HTR3A: variants seen among roughly 807,000 people sequenced by gnomAD.
The protein encoded by HTR3A is 5-hydroxytryptamine receptor 3A, also known as 5-hydroxytryptamine (serotonin) receptor 3A, ionotropic.
HTR3A carries 45 observed loss-of-function variants against 54.8 expected under a neutral mutation model. That is an observed-to-expected ratio of 0.82 (90% confidence interval 0.65 to 1.05). HTR3A has a LOEUF of 1.05. Ranked by LOEUF, HTR3A falls within the 50% of genes least tolerant of loss-of-function variation. The probability of loss-of-function intolerance (pLI) is 0.00; values close to 1 mark genes in which losing one functional copy is unlikely to be tolerated. For missense variants in HTR3A, 657 were observed against 614.0 expected (o/e 1.07, Z -0.74); for synonymous variants, 297 against 256.0 (o/e 1.16, Z -1.53).
chr11:113,986,481 T>G, intron 6 of HTR3A, 37 bp from the exon 7 acceptor site: 1 of 1,606,776 alleles, frequency 6.2e-7, no homozygotes, highest in Non-Finnish European at 8.5e-7. Context: ...AGAGCCTGTT[T>G]GCCCCAGGCT....
At position 113,989,551 on chromosome 11, in the gene HTR3A, C is replaced by T. The variant is rs746743815; in HGVS notation, c.1225C>T (p.Arg409Trp). The T allele has an allele frequency of 6.2e-6, 10 of 1,614,072 alleles. No homozygotes were observed. Among genetic ancestry groups the T allele is most frequent in the African/African-American group, 5.3e-5 (4 of 74,936 alleles). ...RDRCSPPPPP[R>W]EASLAVCGLL... ...CAGATGTAGCCCTCCCCCACCACCT[C>T]GGGAGGCCTCGCTGGCGGTGTGTGG... The change falls in exon 9 of 9, where the codon CGG becomes TGG. Residue 409 changes from arginine to tryptophan, a missense_variant. Transcript: ENST00000504030. This position sits in a 1 kb window ranked among gnomAD's most constrained non-coding sequence, Gnocchi z 4.4.
chr11:113,975,251 G>A lies in HTR3A; in HGVS notation c.-75G>A, dbSNP rs752349026. The A allele has an allele frequency of 1.4e-6, 2 of 1,454,044 alleles. No homozygotes were observed. The highest frequency in any genetic ancestry group is 1.9e-6 in the Non-Finnish European group (2 of 1,046,068). The allele number at this position is 1,454,044 out of a possible 1,614,324, so 90.1% of individuals were successfully genotyped here. ...GGCTGGCTGGGACATGAGGTTGGCAGAGGGCAGGCAAGCTGGCCCTTGGTG... is the reference window on the plus strand; with the variant it reads ...GGCTGGCTGGGACATGAGGTTGGCAAAGGGCAGGCAAGCTGGCCCTTGGTG... On this transcript the variant is annotated 5_prime_UTR_variant, in exon 1 of 9. Transcript: ENST00000504030.
Position 113,984,428 on chromosome 11 carries a change from C to A in HTR3A, c.544+1139C>A, listed in dbSNP as rs575347224. ...CCCAGGAGTTTGAGGCCAGTCTGAG[C>A]AACATAATGAGACCCTATAAAAATA... On this transcript the variant is annotated intron_variant, in intron 5 of 8. Coordinates refer to ENST00000504030, the MANE Select transcript of HTR3A (RefSeq NM_000869.6). Among the ~76,000 whole-genome samples the A allele has an allele frequency of 2.6e-5, 4 of 152,056 alleles. No individual in the cohort carries two copies. The South Asian group carries it at 8.3e-4, about 32-fold the overall frequency.
intron 2 of HTR3A, among the ~76,000 whole-genome samples, chr11:113,978,393 A>G (rs548472605): frequency 2.6e-5 from 4 of 152,292 alleles, no homozygotes; most frequent in Admixed American, 2.6e-4. Flanking sequence ...GTGGTCAGAC[A>G]TTGTGCAGAG....
intron 1 of HTR3A, among the ~76,000 whole-genome samples, chr11:113,976,838 C>T (rs1227734515): frequency 6.6e-5 from 10 of 151,184 alleles, no homozygotes; most frequent in African/African-American, 2.4e-4. Flanking sequence ...CGTATGCTGG[C>T]CCTCTAGGTT....
chr11:113,985,767 T>C (rs1365400052), intron 5 of HTR3A, among the ~76,000 whole-genome samples: 2 of 152,114 alleles, frequency 1.3e-5, no homozygotes, highest in South Asian at 4.1e-4. Context: ...ATGGTTTGCA[T>C]GGTTCTTTGC....
intron 4 of HTR3A, among the ~76,000 whole-genome samples, chr11:113,982,715 A>G (rs1950436166): frequency 6.6e-6 from 1 of 152,210 alleles, no homozygotes; most frequent in African/African-American, 2.4e-5. Flanking sequence ...ATGGAACACA[A>G]GATCCTGCTC....
Position 113,986,293 on chromosome 11 carries a change from T to G in HTR3A, c.705+118T>G. On this transcript the variant is annotated intron_variant, in intron 6 of 8. Coordinates refer to ENST00000504030, the MANE Select transcript of HTR3A (RefSeq NM_000869.6). ...TTCCAACCCCAGGGTTGCACACATC[T>G]GGAACTTCAGTGAAGTAGATGGAGA... 5 of 1,324,236 alleles carry G rather than the reference T, an allele frequency of 3.8e-6. No homozygotes were observed. In the South Asian group the frequency reaches 4.8e-5, roughly 13 times the overall value. 82.0% of individuals were successfully genotyped at this position (1,324,236 alleles called of 1,614,324 possible).
intron 5 of HTR3A, 130 bp downstream of exon 5, chr11:113,983,419 ATCCTC>A: frequency 5.5e-6 from 5 of 909,392 alleles, no homozygotes; most frequent in Non-Finnish European, 9.0e-6. Flanking sequence ...CTGCTTCCTC[ATCCTC>A]TGCATGAGGT....
rs1252380672 is a variant in HTR3A at position 113,979,337 on chromosome 11, T to A, written c.264+60T>A. 3 of 1,372,506 alleles carry A rather than the reference T, an allele frequency of 2.2e-6. No individual in the cohort carries two copies. In the African/African-American group the frequency reaches 4.3e-5, roughly 20 times the overall value. The allele number at this position is 1,372,506 out of a possible 1,614,324, so 85.0% of individuals were successfully genotyped here. A position where few individuals can be genotyped will look rare whatever the true frequency, so the allele number is the denominator to read the frequency against. Reference sequence around the variant, plus strand: ...CATCCTCCTGGGAAGGAGTCGGGAATTCGGGAGTTTCAGTGGCCTTGGCGA... The same window carrying A: ...CATCCTCCTGGGAAGGAGTCGGGAAATCGGGAGTTTCAGTGGCCTTGGCGA... On this transcript the variant is annotated intron_variant, in intron 3 of 8. Coordinates refer to ENST00000504030, the MANE Select transcript of HTR3A (RefSeq NM_000869.6).
rs973802902 is a variant in HTR3A, at chr11:113,987,144, T to C, written c.1138+98T>C. On this transcript the variant is annotated intron_variant, in intron 8 of 8. Transcript: ENST00000504030. ...GGCGTGGCCTGCCAAGGAGGTGCTG[T>C]ACTGCACATGGCATCCCATGCCCTG... is the stretch of plus-strand genomic sequence containing the variant. 2.2e-5 allele frequency: 28 copies of C among 1,279,392 alleles called. No individual in the cohort carries two copies. In the Admixed American group the frequency reaches 5.0e-4, roughly 23 times the overall value. The allele number at this position is 1,279,392 out of a possible 1,614,324, so 79.3% of individuals were successfully genotyped here.
intron 1 of HTR3A, chr11:113,977,403 T>C (rs766885998): frequency 7.3e-6 from 5 of 683,544 alleles, no homozygotes; most frequent in Non-Finnish European, 1.2e-5. Context: ...TATCATACCC[T>C]GAGAGCCAGC....
rs569476835 is a variant in HTR3A, at chr11:113,989,062, G to A, written c.1139-403G>A. 4.6e-5 allele frequency among the ~76,000 whole-genome samples: 7 copies of A among 152,084 alleles called. No individual in the cohort carries two copies. The highest frequency in any genetic ancestry group is 1.0e-4 in the Non-Finnish European group (7 of 67,982). The stretch of plus-strand genomic sequence containing the variant: ...GTAAGTTACTCTTTATACTTTTTAT[G>A]TCTAAAGTTGTTCCTGGCCATCCAC... On this transcript the variant is annotated intron_variant, in intron 8 of 8. Transcript: ENST00000504030. This position sits in a 1 kb window ranked among gnomAD's most constrained non-coding sequence, Gnocchi z 4.4.
intron 8 of HTR3A, among the ~76,000 whole-genome samples, chr11:113,988,082 C>A (rs1321335550): frequency 6.6e-6 from 1 of 152,228 alleles, no homozygotes. Flanking sequence ...TGACTCTAAG[C>A]TTCTCTTTCT....
In HTR3A at chr11:113,981,244, T is replaced by C; in HGVS notation, c.306T>C (p.Phe102=). The stretch of plus-strand genomic sequence containing the variant: ...TTCTCCAGTGGAACCCTGAGGACTT[T>C]GACAACATCACCAAGTTGTCCATCC... ...DEFLQWNPED[F]DNITKLSIPT... The change falls in exon 4 of 9, where the codon TTT becomes TTC. Residue 102 remains phenylalanine (F), a synonymous_variant. Transcript: ENST00000504030. 4 of 1,614,008 alleles carry C rather than the reference T, an allele frequency of 2.5e-6. No individual in the cohort carries two copies. Among genetic ancestry groups the C allele is most frequent in the Non-Finnish European group, 3.4e-6 (4 of 1,179,830 alleles).
In HTR3A at chr11:113,990,163, T is replaced by C. The variant is rs1305680752; in HGVS notation, c.*400T>C. The stretch of plus-strand genomic sequence containing the variant: ...CTTTTAGGTTGAAGGCAAAACCAAC[T>C]CTCTACTACACAGGCCTGATAACTC... On this transcript the variant is annotated 3_prime_UTR_variant, in exon 9 of 9. Transcript: ENST00000504030. The C allele has an allele frequency of 2.2e-6, 1 of 459,902 alleles. No homozygotes were observed. Among genetic ancestry groups the C allele is most frequent in the Admixed American group, 2.3e-5 (1 of 42,686 alleles). The allele number at this position is 459,902 out of a possible 1,614,324, so 28.5% of individuals were successfully genotyped here.
At chr11:113,983,411 G>T in intron 5 of HTR3A, 122 bp downstream of exon 5, 5 of 987,286 alleles carry the variant, frequency 5.1e-6, no homozygotes, top group Non-Finnish European at 8.0e-6. Context: ...CTGGGCCTCT[G>T]CTTCCTCATC....
intron 2 of HTR3A, among the ~76,000 whole-genome samples, chr11:113,978,924 G>A (rs1407627381): frequency 6.6e-6 from 1 of 152,174 alleles, no homozygotes; most frequent in Non-Finnish European, 1.5e-5. Context: ...GGGAGGTGGA[G>A]GTTGCAATGA....
At chr11:113,987,152 A>G in intron 8 of HTR3A, 106 bp downstream of exon 8, 2 of 1,166,132 alleles carry the variant, frequency 1.7e-6, no homozygotes, top group South Asian at 1.3e-5. Context: ...TGTACTGCAC[A>G]TGGCATCCCA....
Sources: allele counts gnomAD v4.1 joint callset (sites outside exome capture counted in the v4.1 genomes callset), GRCh38; gene constraint gnomAD v4.1.1; non-coding constraint Gnocchi (gnomAD v3.1); transcripts MANE v1.5; gene names NCBI Gene and HGNC (gene_info 2026-07-23, HGNC 2026-07-21).